The following PTPRJ variants were observed in gnomAD, a reference collection of about 807,000 sequenced individuals.
PTPRJ encodes receptor-type tyrosine-protein phosphatase eta.
Under a neutral mutation model 141.3 loss-of-function variants are expected in PTPRJ, and 129 were observed. The observed-to-expected ratio is 0.91, with a 90% CI of 0.79 to 1.06. The LOEUF (loss-of-function observed/expected upper bound fraction) is 1.06, where lower values mean the gene tolerates loss of function less well. Ranked by LOEUF, PTPRJ falls within the 50% of genes least tolerant of loss-of-function variation. The pLI is 0.00. For missense variants in PTPRJ, 1,601 were observed against 1,679.7 expected (o/e 0.95, Z 0.82); for synonymous variants, 610 against 640.5 (o/e 0.95, Z 0.72).
At chr11:47,985,143 G>T (rs1219837965) in intron 1 of PTPRJ, among the ~76,000 whole-genome samples, 1 of 150,456 alleles carries the variant, frequency 6.6e-6, no homozygotes, top group Non-Finnish European at 1.5e-5. Flanking sequence ...GAGCCACCGT[G>T]CCCGGCCTGT....
intron 1 of PTPRJ, among the ~76,000 whole-genome samples, chr11:48,003,434 T>C (rs1197721903): frequency 6.6e-6 from 1 of 152,172 alleles, no homozygotes; most frequent in Non-Finnish European, 1.5e-5. Flanking sequence ...TGAGATTGCC[T>C]GTTTCATTAT....
At chr11:48,012,318 C>A (rs1276251130) in intron 1 of PTPRJ, among the ~76,000 whole-genome samples, 1 of 152,096 alleles carries the variant, frequency 6.6e-6, no homozygotes. Flanking sequence ...TCAAGGTTGG[C>A]ATTTGGGAGG....
intron 1 of PTPRJ, among the ~76,000 whole-genome samples, chr11:48,024,575 G>A (rs1853755697): frequency 6.6e-6 from 1 of 152,180 alleles, no homozygotes; most frequent in South Asian, 2.1e-4. Flanking sequence ...GATCAAAGTA[G>A]TGGAGTCAGT....
intron 1 of PTPRJ, 129 bp downstream of exon 1, chr11:47,981,137 C>G: frequency 2.0e-6 from 2 of 984,416 alleles, no homozygotes; most frequent in Non-Finnish European, 2.6e-6. Context: ...CCCGGATCCC[C>G]GGAAGGCGAC....
chr11:48,001,920 A>T (rs758072536), intron 1 of PTPRJ, among the ~76,000 whole-genome samples: 1 of 152,248 alleles, frequency 6.6e-6, no homozygotes, highest in Middle Eastern at 3.4e-3. Context: ...TCCTGGTGAC[A>T]TTTAAGTTTT....
In PTPRJ at chr11:48,143,044, G is replaced by A. The variant is rs934008916; in HGVS notation, c.2569G>A (p.Gly857Arg). The A allele has an allele frequency of 1.1e-5, 17 of 1,613,938 alleles. No homozygotes were observed. Among genetic ancestry groups the A allele is most frequent in the African/African-American group, 9.3e-5 (7 of 74,924 alleles). Reference protein sequence around the residue: ...IKAYAVILTTGEAGHPSADVL... With the variant: ...IKAYAVILTTREAGHPSADVL... ...AGCCTATGCTGTCATTCTCACCACC[G>A]GGGAAGGTAAGGAGAGGCCTCCGTG... Residue 857 changes from glycine (G) to arginine (R), a missense_variant, in exon 12 of 25, where the codon GGG (glycine) becomes AGG (arginine). Gly to Arg is a moderately radical substitution (Grantham distance 125, BLOSUM62 -2). Transcript: ENST00000418331.
rs140439773 is a variant in PTPRJ at position 48,128,023 on chromosome 11, G to C, written c.1337G>C (p.Gly446Ala). 4 of 1,613,220 alleles carry C rather than the reference G, an allele frequency of 2.5e-6. No homozygotes were observed. Among genetic ancestry groups the C allele is most frequent in the South Asian group, 1.1e-5 (1 of 91,070 alleles). ...PVLGDIEGTP[G>A]FLQVHTPPVP... is the part of the protein sequence containing the mutation. ...CTAGGTGACATCGAGGGCACGCCGG[G>C]CTTCCTCCAAGTGCACACCCGTGAG... is the stretch of plus-strand genomic sequence containing the variant. Residue 446 changes from glycine (G) to alanine (A), a missense_variant, in exon 7 of 25, where the codon GGC becomes GCC. Physicochemically the swap from Gly to Ala is moderately conservative, Grantham distance 60 (BLOSUM62 0). Transcript: ENST00000418331.
intron 1 of PTPRJ, among the ~76,000 whole-genome samples, chr11:48,069,941 G>A (rs1193096956): frequency 6.6e-6 from 1 of 152,222 alleles, no homozygotes; most frequent in Admixed American, 6.5e-5. Flanking sequence ...AGTCAGTGGT[G>A]TGGGAGAAAT....
At chr11:48,072,412 A>G (rs1855287048) in intron 1 of PTPRJ, among the ~76,000 whole-genome samples, 1 of 152,196 alleles carries the variant, frequency 6.6e-6, no homozygotes, top group South Asian at 2.1e-4. Flanking sequence ...TAATGGCCTA[A>G]TCAGCTCTCT....
intron 1 of PTPRJ, among the ~76,000 whole-genome samples, chr11:48,058,021 C>T (rs1338077219): frequency 6.6e-6 from 1 of 152,030 alleles, no homozygotes; most frequent in Non-Finnish European, 1.5e-5. Context: ...AAGTGATTCT[C>T]CTGCCTCAGC....
chr11:48,017,713 C>G (rs766467181), intron 1 of PTPRJ, among the ~76,000 whole-genome samples: 13 of 152,150 alleles, frequency 8.5e-5, no homozygotes, highest in Non-Finnish European at 1.5e-4. Context: ...TGGAAGTGCT[C>G]TGTGTAGGAC....
At position 48,042,631 on chromosome 11, in the gene PTPRJ, T is replaced by C. The variant is rs192439735; in HGVS notation, c.96+61623T>C. On this transcript the variant is annotated intron_variant, in intron 1 of 24. Coordinates refer to ENST00000418331, the MANE Select transcript of PTPRJ (RefSeq NM_002843.4). ...CCACTCTTCTAAACCAAAACAGTGC[T>C]GTGTCCTGAAGCTAGAGGGGTGAGT... 2.0e-3 allele frequency among the ~76,000 whole-genome samples: 306 copies of C among 152,302 alleles called. 2 individuals are homozygous for C. Among genetic ancestry groups the C allele is most frequent in the Middle Eastern group, 6.8e-3 (2 of 294 alleles).
intron 8 of PTPRJ, among the ~76,000 whole-genome samples, chr11:48,134,333 A>G (rs1225755341): frequency 6.6e-6 from 1 of 152,122 alleles, no homozygotes; most frequent in Non-Finnish European, 1.5e-5. Context: ...GCTAAAGAGT[A>G]TTTCATCATG....
At chr11:48,146,810 T>G (rs1166916586) in intron 14 of PTPRJ, 66 bp from the exon 15 acceptor site, 1 of 1,384,494 alleles carries the variant, frequency 7.2e-7, no homozygotes, top group Non-Finnish European at 1.0e-6. Flanking sequence ...CCCAGGCCAG[T>G]TTTTAGCACA....
rs1179558199 is a variant in PTPRJ, at chr11:48,167,439, G to A, written c.*77G>A. On this transcript the variant is annotated 3_prime_UTR_variant, in exon 25 of 25. Coordinates refer to ENST00000418331, the MANE Select transcript of PTPRJ (RefSeq NM_002843.4). ...AAGGCACATGCCCCGATGTCGACATGTTTTTATATGTCTAATATCTTAATT... is the reference window on the plus strand; with the variant it reads ...AAGGCACATGCCCCGATGTCGACATATTTTTATATGTCTAATATCTTAATT... The A allele has an allele frequency of 5.6e-6, 8 of 1,425,098 alleles. No individual in the cohort carries two copies. The African/African-American group carries it at 5.7e-5, about 10-fold the overall frequency. 88.3% of individuals were successfully genotyped at this position (1,425,098 alleles called of 1,614,324 possible).
At chr11:47,981,077 C>G (rs1853890507) in intron 1 of PTPRJ, 69 bp downstream of exon 1, 3 of 1,192,138 alleles carry the variant, frequency 2.5e-6, no homozygotes, top group South Asian at 4.2e-5. Flanking sequence ...TGCACCTGCC[C>G]GAGCGTACCC....
chr11:48,045,074 C>G (rs996556985), intron 1 of PTPRJ, among the ~76,000 whole-genome samples: 2 of 152,126 alleles, frequency 1.3e-5, no homozygotes, highest in Non-Finnish European at 2.9e-5. Context: ...TCCTCTTTTC[C>G]CCCGTAATTA....
intron 1 of PTPRJ, among the ~76,000 whole-genome samples, chr11:48,006,027 C>G (rs1854612188): frequency 6.6e-6 from 1 of 152,184 alleles, no homozygotes; most frequent in African/African-American, 2.4e-5. Context: ...CTGTGTGGTG[C>G]TGGAGAGAGG....
chr11:48,111,147 G>A (rs187950964), intron 2 of PTPRJ, among the ~76,000 whole-genome samples: 1 of 151,956 alleles, frequency 6.6e-6, no homozygotes, highest in Non-Finnish European at 1.5e-5. Flanking sequence ...AGGTGTGGTG[G>A]CATGCACCTG....
Sources: gnomAD v4.1 joint callset for allele counts (sites outside exome capture counted in the v4.1 genomes callset) on GRCh38, gnomAD v4.1.1 for gene constraint, MANE v1.5 for transcripts, NCBI Gene and HGNC (gene_info 2026-07-23, HGNC 2026-07-21) for gene names.